Variants in TMEM214 observed in about 807,000 individuals in gnomAD.
The protein encoded by TMEM214 is transmembrane protein 214.
TMEM214 carries 71 observed loss-of-function variants against 89.8 expected under a neutral mutation model. The ratio of observed to expected loss-of-function variants is 0.79; its 90% CI spans 0.65 to 0.96. The LOEUF (loss-of-function observed/expected upper bound fraction) is 0.96. Among genes scored for constraint, TMEM214 ranks in the 40% least tolerant of loss-of-function variants. The probability of loss-of-function intolerance (pLI) is 0.00; values close to 1 mark genes in which losing one functional copy is unlikely to be tolerated. For synonymous variants in TMEM214, 332 were observed against 349.5 expected (o/e 0.95, Z 0.56); for missense variants, 754 against 843.4 (o/e 0.89, Z 1.31).
At chr2:27,040,610 C>A in intron 16 of TMEM214, 101 bp from the exon 17 acceptor site, 1 of 1,585,378 alleles carries the variant, frequency 6.3e-7, no homozygotes, top group Non-Finnish European at 8.6e-7. Context: ...GCTCCCATTC[C>A]TGGCCACCCT....
At chr2:27,036,246 T>A (rs1667552786) in intron 5 of TMEM214, among the ~76,000 whole-genome samples, 194 bp downstream of exon 5, 1 of 152,256 alleles carries the variant, frequency 6.6e-6, no homozygotes, top group African/African-American at 2.4e-5. Context: ...TTTCCCATTT[T>A]TATAGATGAA....
At position 27,034,099 on chromosome 2, in the gene TMEM214, C is replaced by G; in HGVS notation, c.184C>G (p.Arg62Gly). The change falls in exon 2 of 17, where the codon CGG becomes GGG. Residue 62 changes from arginine (R) to glycine (G), a missense_variant. Arg to Gly is a moderately radical substitution (Grantham distance 125). Coordinates refer to ENST00000238788, the MANE Select transcript of TMEM214 (RefSeq NM_017727.5). ...CCAGACCACAAGCACCCTTTATGAGCGGGGCTTTGAGAATATCATGAAGCG... is the reference window on the plus strand; with the variant it reads ...CCAGACCACAAGCACCCTTTATGAGGGGGGCTTTGAGAATATCATGAAGCG... ...AIQTTSTLYE[R>G]GFENIMKRQN... 1.2e-6 allele frequency: 2 copies of G among 1,614,000 alleles called. No homozygotes were observed. Among genetic ancestry groups the G allele is most frequent in the Non-Finnish European group, 1.7e-6 (2 of 1,180,000 alleles).
intron 12 of TMEM214, 45 bp from the exon 13 acceptor site, chr2:27,039,002 C>A (rs1667697052): frequency 1.3e-6 from 2 of 1,596,746 alleles, no homozygotes. Flanking sequence ...AGGCAAAGAC[C>A]AGCCCCTCGC....
intron 4 of TMEM214, 115 bp downstream of exon 4, chr2:27,035,843 TTTGG>T: frequency 6.3e-7 from 1 of 1,585,748 alleles, no homozygotes; most frequent in Non-Finnish European, 8.6e-7. Context: ...CTTAACACTT[TTTGG>T]AAAGTGTGGA....
At chr2:27,039,236 G>T in intron 13 of TMEM214, 72 bp downstream of exon 13, 4 of 1,243,440 alleles carry the variant, frequency 3.2e-6, no homozygotes, top group Non-Finnish European at 4.6e-6. Flanking sequence ...CCACCACCCC[G>T]CCCCCAGCAG....
intron 13 of TMEM214, 35 bp from the exon 14 acceptor site, chr2:27,039,706 C>A (rs772253845): frequency 6.3e-7 from 1 of 1,582,770 alleles, no homozygotes; most frequent in South Asian, 1.1e-5. Flanking sequence ...CTGCCCCTCT[C>A]ACCTCCCAGC....
rs1250852354 is a variant in TMEM214, at chr2:27,038,558, G to A, written c.1293+26G>A. The A allele has an allele frequency of 1.1e-5, 18 of 1,613,662 alleles. No homozygotes were observed. The highest frequency in any genetic ancestry group is 1.5e-5 in the Non-Finnish European group (18 of 1,179,876). On this transcript the variant is annotated intron_variant, in intron 11 of 16. Coordinates refer to ENST00000238788, the MANE Select transcript of TMEM214 (RefSeq NM_017727.5). The surrounding 1 kb of genome is among the most constrained non-coding windows in gnomAD (Gnocchi z 4.4). ...GTGAGGAGCTGGGAGGACGTGGCAGGTTGAGCCCTGTCTGGATTCTAGGTT... is the reference window on the plus strand; with the variant it reads ...GTGAGGAGCTGGGAGGACGTGGCAGATTGAGCCCTGTCTGGATTCTAGGTT...
intron 3 of TMEM214, 115 bp from the exon 4 acceptor site, chr2:27,035,479 C>CA (rs1667514692): frequency 6.7e-7 from 1 of 1,490,860 alleles, no homozygotes; most frequent in Non-Finnish European, 9.1e-7. Context: ...GGAAGGATCC[C>CA]AGCCTCAGTG....
chr2:27,037,070 C>T lies in TMEM214; in HGVS notation c.909-7C>T, dbSNP rs1243010282. ...TGTCCAGCGAGCCTGTTTCTTCATC[C>T]CCACAGGATGCATCCCAACCTTACC... is the stretch of plus-strand genomic sequence containing the variant. On this transcript the variant is annotated splice_region_variant and splice_polypyrimidine_tract_variant and intron_variant, in intron 7 of 16. Transcript: ENST00000238788. 2 of 1,612,782 alleles carry T rather than the reference C, an allele frequency of 1.2e-6. No homozygotes were observed. The highest frequency in any genetic ancestry group is 2.2e-5 in the East Asian group (1 of 44,866).
rs1296888959 is a variant in TMEM214 at position 27,036,071 on chromosome 2, T to C, written c.720+19T>C. The C allele has an allele frequency of 1.2e-6, 2 of 1,612,350 alleles. No homozygotes were observed. Among genetic ancestry groups the C allele is most frequent in the Non-Finnish European group, 8.5e-7 (1 of 1,178,810 alleles). ...AGGCAAGGTGAGCTCTCAGTGATGG[T>C]GGGGATGCTAGGAAGCTAGGACTGG... On this transcript the variant is annotated intron_variant, in intron 5 of 16. Transcript: ENST00000238788.
chr2:27,038,115 C>T lies in TMEM214; in HGVS notation c.1153-31C>T. 8 of 1,614,034 alleles carry T rather than the reference C, an allele frequency of 5.0e-6. No individual in the cohort carries two copies. The highest frequency in any genetic ancestry group is 6.8e-6 in the Non-Finnish European group (8 of 1,179,998). On this transcript the variant is annotated intron_variant, in intron 9 of 16. Transcript: ENST00000238788. The surrounding 1 kb of genome is among the most constrained non-coding windows in gnomAD (Gnocchi z 4.4). Reference sequence around the variant, plus strand: ...CCCGCCTCTGCCAGCCCCATGCCCCCAGCAGCCTCTCCCTCTGTCGTGCTG... The same window carrying T: ...CCCGCCTCTGCCAGCCCCATGCCCCTAGCAGCCTCTCCCTCTGTCGTGCTG...
intron 14 of TMEM214, 47 bp from the exon 15 acceptor site, chr2:27,039,983 G>A (rs755063892): frequency 6.3e-7 from 1 of 1,596,062 alleles, no homozygotes. Context: ...AGCTAAGTGG[G>A]CCTGAGGAGA....
intron 9 of TMEM214, 28 bp downstream of exon 9, chr2:27,037,730 C>T (rs202210946): frequency 1.4e-4 from 233 of 1,613,900 alleles, no homozygotes; most frequent in Admixed American, 1.7e-4. Flanking sequence ...GGCTTTTTCT[C>T]CTTCCCCAGG....
In TMEM214 at chr2:27,034,098, G is replaced by A. The variant is rs572374592; in HGVS notation, c.183G>A (p.Glu61=). Residue 61 remains glutamate (E), a synonymous_variant, in exon 2 of 17, where the codon GAG becomes GAA. Coordinates refer to ENST00000238788, the MANE Select transcript of TMEM214 (RefSeq NM_017727.5). ...TCCAGACCACAAGCACCCTTTATGA[G>A]CGGGGCTTTGAGAATATCATGAAGC... The part of the protein sequence containing the change: ...PAIQTTSTLY[E]RGFENIMKRQ... The A allele has an allele frequency of 1.2e-6, 2 of 1,614,112 alleles. No individual in the cohort carries two copies. The highest frequency in any genetic ancestry group is 2.2e-5 in the East Asian group (1 of 44,864).
At chr2:27,037,433 C>G in intron 8 of TMEM214, 128 bp from the exon 9 acceptor site, 1 of 1,201,856 alleles carries the variant, frequency 8.3e-7, no homozygotes, top group Non-Finnish European at 1.2e-6. Context: ...TAAAAAGATT[C>G]AGAGCCATTG....
At position 27,040,760 on chromosome 2, in the gene TMEM214, C is replaced by A. The variant is rs778022300; in HGVS notation, c.1993C>A (p.His665Asn). Residue 665 changes from histidine to asparagine, a missense_variant, in exon 17 of 17, where the codon CAC (histidine) becomes AAC (asparagine). Coordinates refer to ENST00000238788, the MANE Select transcript of TMEM214 (RefSeq NM_017727.5). ...CMKTQLSEAV[H>N]WTWLCLQDIT... ...GAAGACACAGCTCAGTGAGGCTGTCCACTGGACCTGGCTTTGCCTACAGGA... is the reference window on the plus strand; with the variant it reads ...GAAGACACAGCTCAGTGAGGCTGTCAACTGGACCTGGCTTTGCCTACAGGA... The A allele has an allele frequency of 1.2e-6, 2 of 1,614,178 alleles. No homozygotes were observed. The highest frequency in any genetic ancestry group is 1.7e-6 in the Non-Finnish European group (2 of 1,180,024).
intron 1 of TMEM214, 131 bp downstream of exon 1, chr2:27,033,297 C>T (rs1364171053): frequency 1.1e-5 from 10 of 942,974 alleles, no homozygotes; most frequent in Non-Finnish European, 1.2e-5. Flanking sequence ...CTCTTTGGAG[C>T]CTCACGGGAG....
chr2:27,036,578 C>T lies in TMEM214; in HGVS notation c.812C>T (p.Thr271Ile), dbSNP rs1368317602. The T allele has an allele frequency of 1.9e-6, 3 of 1,614,152 alleles. No individual in the cohort carries two copies. In the Admixed American group the frequency reaches 5.0e-5, roughly 27 times the overall value. Residue 271 changes from threonine (T) to isoleucine (I), a missense_variant, in exon 6 of 17, where the codon ACC (threonine) becomes ATC (isoleucine). Transcript: ENST00000238788. The stretch of plus-strand genomic sequence containing the variant: ...GGTCAAGCAGGTTTTGCCAACCTCA[C>T]CGAGGGACTGAAAGGTAACAGGGAA... The part of the protein sequence containing the change: ...ALGQAGFANL[T>I]EGLKVWLGIM...
intron 8 of TMEM214, 81 bp downstream of exon 8, chr2:27,037,259 C>A: frequency 8.1e-7 from 1 of 1,227,290 alleles, no homozygotes; most frequent in Non-Finnish European, 1.2e-6. Flanking sequence ...TCTCCTTCCC[C>A]AGCCATCCTA....
Sources: gnomAD v4.1 joint callset for allele counts (sites outside exome capture counted in the v4.1 genomes callset) on GRCh38, gnomAD v4.1.1 for gene constraint, Gnocchi (gnomAD v3.1) non-coding constraint, MANE v1.5 for transcripts, NCBI Gene and HGNC (gene_info 2026-07-23, HGNC 2026-07-21) for gene names.